The following CNTN5 variants were observed in gnomAD, a reference collection of about 807,000 sequenced individuals.
CNTN5 encodes the protein contactin 5, also known as contactin-5.
Under a neutral mutation model 129.1 loss-of-function variants are expected in CNTN5, and 77 were observed. The ratio of observed to expected loss-of-function variants is 0.60; its 90% confidence interval spans 0.50 to 0.72. CNTN5 has a LOEUF of 0.72. Among genes scored for constraint, CNTN5 ranks in the 30% least tolerant of loss-of-function variants. CNTN5 has a pLI of 0.00. For synonymous variants in CNTN5, 509 were observed against 465.6 expected (o/e 1.09, Z -1.20); for missense variants, 1,478 against 1,328.8 (o/e 1.11, Z -1.75).
chr11:100,121,193 G>T (rs917094364), intron 13 of CNTN5, among the ~76,000 whole-genome samples: 3 of 151,994 alleles, frequency 2.0e-5, no homozygotes, highest in African/African-American at 4.8e-5. Context: ...GTTTACAGGA[G>T]AGGGGAGAAG....
chr11:100,171,579 A>ATG (rs1947826509), intron 13 of CNTN5, among the ~76,000 whole-genome samples: 1 of 152,002 alleles, frequency 6.6e-6, no homozygotes, highest in Non-Finnish European at 1.5e-5. Flanking sequence ...CACCTCAACT[A>ATG]TGTGTTTTTA....
chr11:99,198,764 G>A (rs1407074154), intron 1 of CNTN5, among the ~76,000 whole-genome samples: 1 of 152,060 alleles, frequency 6.6e-6, no homozygotes, highest in African/African-American at 2.4e-5. Flanking sequence ...TTCTGGTTGA[G>A]AAGGGAGACT....
At chr11:99,927,150 C>A (rs1362127982) in intron 7 of CNTN5, among the ~76,000 whole-genome samples, 1 of 152,034 alleles carries the variant, frequency 6.6e-6, no homozygotes, top group Admixed American at 6.6e-5. Flanking sequence ...CTAGAATTAG[C>A]CATCTCTTTG....
intron 6 of CNTN5, among the ~76,000 whole-genome samples, chr11:99,914,230 C>T (rs964401027): frequency 1.3e-5 from 2 of 151,952 alleles, no homozygotes; most frequent in African/African-American, 4.8e-5. Flanking sequence ...AGGGAGGAGG[C>T]TCTCAAAATA....
At chr11:99,625,132 C>A (rs1951083334) in intron 3 of CNTN5, among the ~76,000 whole-genome samples, 1 of 152,148 alleles carries the variant, frequency 6.6e-6, no homozygotes, top group Non-Finnish European at 1.5e-5. Flanking sequence ...CCCTGCAGGA[C>A]AGGAAATAGA....
At chr11:99,808,586 T>A (rs992645289) in intron 3 of CNTN5, among the ~76,000 whole-genome samples, 6 of 152,068 alleles carry the variant, frequency 3.9e-5, no homozygotes, top group Non-Finnish European at 8.8e-5. Context: ...TGAAGAAAAA[T>A]TGCCATAGAA....
intron 2 of CNTN5, among the ~76,000 whole-genome samples, chr11:99,485,937 T>A (rs903144007): frequency 2.0e-5 from 3 of 152,050 alleles, no homozygotes; most frequent in Non-Finnish European, 4.4e-5. Context: ...CATGGACTAA[T>A]AATTACAAAA....
At position 99,132,527 on chromosome 11, in the gene CNTN5, T is replaced by C. The variant is rs571294632; in HGVS notation, c.-210+111257T>C. 9.2e-5 allele frequency among the ~76,000 whole-genome samples: 14 copies of C among 152,226 alleles called. No homozygotes were observed. In the South Asian group the frequency reaches 2.9e-3, roughly 32 times the overall value. ...ACCCCATTGACTCAGCCCAAAAGCT[T>C]CTTTAGCTGATAAGCAACTTCAGTA... On this transcript the variant is annotated intron_variant, in intron 1 of 24. Transcript: ENST00000524871.
At chr11:99,939,086 A>G (rs906508133) in intron 7 of CNTN5, among the ~76,000 whole-genome samples, 2 of 152,196 alleles carry the variant, frequency 1.3e-5, no homozygotes, top group African/African-American at 4.8e-5. Flanking sequence ...TAATTTCTGT[A>G]TTCTAAAAAA....
At chr11:99,638,186 TGAG>T (rs1359618817) in intron 3 of CNTN5, among the ~76,000 whole-genome samples, 1 of 151,766 alleles carries the variant, frequency 6.6e-6, no homozygotes, top group Non-Finnish European at 1.5e-5. Context: ...CAAGAGAAAA[TGAG>T]GAAGCAAAAG....
At chr11:99,269,474 A>G (rs1278015770) in intron 1 of CNTN5, among the ~76,000 whole-genome samples, 2 of 151,910 alleles carry the variant, frequency 1.3e-5, no homozygotes, top group Admixed American at 6.6e-5. Flanking sequence ...AACTGCATAT[A>G]GAACATACCA....
intron 1 of CNTN5, among the ~76,000 whole-genome samples, chr11:99,235,049 TTTC>T (rs1482043537): frequency 5.5e-5 from 3 of 54,880 alleles, no homozygotes; most frequent in African/African-American, 3.3e-4. Flanking sequence ...ACCTACCCTT[TTTC>T]TTTTTTTGGA....
At chr11:99,917,319 A>T (rs540491946) in intron 7 of CNTN5, among the ~76,000 whole-genome samples, 2 of 152,158 alleles carry the variant, frequency 1.3e-5, no homozygotes, top group Non-Finnish European at 2.9e-5. Context: ...TACATTAAAC[A>T]TATCTATTCT....
chr11:99,707,907 T>C (rs1954821302), intron 3 of CNTN5, among the ~76,000 whole-genome samples: 1 of 151,616 alleles, frequency 6.6e-6, no homozygotes, highest in South Asian at 2.1e-4. Flanking sequence ...ATTAATAGAA[T>C]AATAACACAC....
intron 1 of CNTN5, among the ~76,000 whole-genome samples, chr11:99,287,383 G>GA (rs567549237): frequency 4.4e-4 from 67 of 151,980 alleles, no homozygotes; most frequent in African/African-American, 1.4e-3. Flanking sequence ...GCTTTATCTG[G>GA]AAAAAAATAG....
chr11:99,303,068 C>G (rs1045516257), intron 1 of CNTN5, among the ~76,000 whole-genome samples: 16 of 151,534 alleles, frequency 1.1e-4, no homozygotes, highest in African/African-American at 3.9e-4. Context: ...ATATAAATAA[C>G]TAGTCATTAT....
At chr11:100,092,515 C>T (rs561217252) in intron 13 of CNTN5, among the ~76,000 whole-genome samples, 1 of 152,258 alleles carries the variant, frequency 6.6e-6, no homozygotes, top group Admixed American at 6.5e-5. Flanking sequence ...GAACGCTTTT[C>T]ACAAACCACT....
chr11:99,839,653 A>G (rs1565590257), intron 4 of CNTN5, among the ~76,000 whole-genome samples: 1 of 152,250 alleles, frequency 6.6e-6, no homozygotes, highest in East Asian at 1.9e-4. Flanking sequence ...AAAAGAAGCA[A>G]TATAAGAAAC....
At chr11:100,301,498 C>T (rs532711239) in intron 20 of CNTN5, among the ~76,000 whole-genome samples, 12 of 150,688 alleles carry the variant, frequency 8.0e-5, no homozygotes, top group African/African-American at 2.7e-4. Context: ...TGTAACACTT[C>T]ATTTATTTTA....
Sources: gnomAD v4.1 joint callset for allele counts (sites outside exome capture counted in the v4.1 genomes callset) on GRCh38, gnomAD v4.1.1 for gene constraint, MANE v1.5 for transcripts, NCBI Gene and HGNC (gene_info 2026-07-23, HGNC 2026-07-21) for gene names.